Variants in AKT3 observed in about 807,000 individuals in gnomAD.
AKT3 encodes the protein AKT serine/threonine kinase 3.
In AKT3, 15 loss-of-function variants were observed where a neutral mutation model predicts 65.3. The ratio of observed to expected loss-of-function variants is 0.23; its 90% CI spans 0.15 to 0.35. AKT3 has a LOEUF of 0.35. Among genes scored for constraint, AKT3 ranks in the 10% least tolerant of loss-of-function variants. The pLI is 1.00. For missense variants in AKT3, 243 were observed against 576.5 expected (o/e 0.42, Z 5.92); for synonymous variants, 206 against 183.8 (o/e 1.12, Z -0.98).
intron 2 of AKT3, among the ~76,000 whole-genome samples, chr1:243,801,298 G>T (rs1370883129): frequency 6.6e-6 from 1 of 151,992 alleles, no homozygotes; most frequent in Admixed American, 6.6e-5. Flanking sequence ...TTGTAACAAA[G>T]AATGAAATCC....
chr1:243,639,803 C>A (rs1484554530), intron 5 of AKT3, among the ~76,000 whole-genome samples: 1 of 152,088 alleles, frequency 6.6e-6, no homozygotes, highest in South Asian at 2.1e-4. Flanking sequence ...GAGTAGCCAC[C>A]CTTTCATTCT....
At chr1:243,509,773 C>T (rs980708369) in intron 13 of AKT3, among the ~76,000 whole-genome samples, 12 of 152,112 alleles carry the variant, frequency 7.9e-5, no homozygotes, top group African/African-American at 2.4e-5. Flanking sequence ...TGGCAGAACT[C>T]TCGGTGCCTC....
intron 13 of AKT3, among the ~76,000 whole-genome samples, chr1:243,488,716 A>C (rs776829964): frequency 1.3e-5 from 2 of 151,796 alleles, no homozygotes; most frequent in Non-Finnish European, 2.9e-5. Context: ...CTCATCTTTG[A>C]CCTCTGCTTG....
At chr1:243,600,855 A>G (rs1676953702) in intron 8 of AKT3, among the ~76,000 whole-genome samples, 1 of 152,128 alleles carries the variant, frequency 6.6e-6, no homozygotes, top group African/African-American at 2.4e-5. Context: ...ATAATCAATG[A>G]ATTGTGTTTC....
intron 12 of AKT3, among the ~76,000 whole-genome samples, chr1:243,532,243 G>A (rs1418009642): frequency 6.6e-6 from 1 of 152,084 alleles, no homozygotes; most frequent in Non-Finnish European, 1.5e-5. Context: ...TGAGCTGAGG[G>A]TTTTCCAAAC....
At position 243,552,288 on chromosome 1, in the gene AKT3, C is replaced by CAAAAAAAAAAA. The variant is rs33995513; in HGVS notation, c.1163+430_1163+440dup. ...TGGGTGGCAGAGTGAGACTCTGTCT[C>CAAAAAAAAAAA]AAAAAAAAAAAAAAAAAAAAAAAAA... On this transcript the variant is annotated intron_variant, in intron 11 of 13. Transcript: ENST00000673466. Among the ~76,000 whole-genome samples, 59 of 50,166 alleles carry CAAAAAAAAAAA rather than the reference C, an allele frequency of 1.2e-3. 11 individuals carry two copies. Among genetic ancestry groups the CAAAAAAAAAAA allele is most frequent in the African/African-American group, 5.1e-3 (51 of 9,966 alleles). 32.9% of individuals were successfully genotyped at this position (50,166 alleles called of 152,430 possible).
At chr1:243,657,480 C>T (rs1449327812) in intron 4 of AKT3, among the ~76,000 whole-genome samples, 3 of 152,020 alleles carry the variant, frequency 2.0e-5, no homozygotes, top group Non-Finnish European at 4.4e-5. Flanking sequence ...CAAAACATTG[C>T]TGAAAGAAAT....
rs933511599 is a variant in AKT3 at position 243,501,450 on chromosome 1, G to A, written c.*3799C>T. 4.3e-6 allele frequency: 1 copy of A among 233,004 alleles called. No homozygotes were observed. The highest frequency in any genetic ancestry group is 8.5e-6 in the Non-Finnish European group (1 of 118,008). 14.4% of individuals were successfully genotyped at this position (233,004 alleles called of 1,614,324 possible). A position where few individuals can be genotyped will look rare whatever the true frequency, so the allele number is the denominator to read the frequency against. On this transcript the variant is annotated 3_prime_UTR_variant, in exon 14 of 14. Transcript: ENST00000673466. ...ATGATTCGGGTCTGAATGTCCCCAG[G>A]GTCTGAGACCTCCTTCATCCCTGGC...
At chr1:243,590,632 TAAAAC>T (rs1198311791) in intron 8 of AKT3, among the ~76,000 whole-genome samples, 1 of 151,648 alleles carries the variant, frequency 6.6e-6, no homozygotes, top group African/African-American at 2.4e-5. Context: ...ACTGTAGAGA[TAAAAC>T]AAACAACATC....
chr1:243,835,157 C>G (rs1315297240), intron 2 of AKT3, among the ~76,000 whole-genome samples: 2 of 152,266 alleles, frequency 1.3e-5, no homozygotes, highest in East Asian at 3.9e-4. Context: ...GGATACTATT[C>G]CGTCCATTAT....
At chr1:243,796,643 G>C (rs1397495741) in intron 2 of AKT3, among the ~76,000 whole-genome samples, 2 of 152,076 alleles carry the variant, frequency 1.3e-5, no homozygotes. Context: ...CCACCAACCA[G>C]TTTATTGCTA....
At chr1:243,642,518 C>T (rs566515082) in intron 5 of AKT3, among the ~76,000 whole-genome samples, 2 of 151,924 alleles carry the variant, frequency 1.3e-5, no homozygotes, top group Admixed American at 1.3e-4. Context: ...ACCGTGTTAG[C>T]CAGGATGGTC....
chr1:243,661,317 G>A (rs1194975074), intron 4 of AKT3, among the ~76,000 whole-genome samples: 1 of 152,168 alleles, frequency 6.6e-6, no homozygotes. Context: ...ACACTACAAG[G>A]CTACAGTAAC....
In AKT3 at chr1:243,647,047, C is replaced by A. The variant is rs577614499; in HGVS notation, c.285-1010G>T. Among the ~76,000 whole-genome samples, 208 of 152,190 alleles carry A rather than the reference C, an allele frequency of 1.4e-3. 1 individual carries two copies. The highest frequency in any genetic ancestry group is 4.7e-3 in the African/African-American group (197 of 41,538). ...TATAGATGAATTTTGGGAAAACTAC[C>A]ATCGTAATCATTTAAATCTTCCAAT... On this transcript the variant is annotated intron_variant, in intron 4 of 13. Coordinates refer to ENST00000673466, the MANE Select transcript of AKT3 (RefSeq NM_005465.7).
intron 2 of AKT3, among the ~76,000 whole-genome samples, chr1:243,816,474 C>G (rs1693528994): frequency 6.6e-6 from 1 of 152,146 alleles, no homozygotes; most frequent in Non-Finnish European, 1.5e-5. Flanking sequence ...GTTTCTGACA[C>G]TACCTTTAGT....
intron 2 of AKT3, among the ~76,000 whole-genome samples, chr1:243,764,046 C>A (rs1689657996): frequency 6.6e-6 from 1 of 152,030 alleles, no homozygotes; most frequent in Non-Finnish European, 1.5e-5. Flanking sequence ...GCCGATATTT[C>A]TGAATGACAG....
At chr1:243,549,916 T>C (rs1672929034) in intron 11 of AKT3, among the ~76,000 whole-genome samples, 1 of 152,198 alleles carries the variant, frequency 6.6e-6, no homozygotes, top group African/African-American at 2.4e-5. Context: ...AAGATCCTTA[T>C]AATCTAATAT....
chr1:243,492,441 A>C (rs1666718057), intron 13 of AKT3, among the ~76,000 whole-genome samples: 1 of 150,608 alleles, frequency 6.6e-6, no homozygotes, highest in African/African-American at 2.4e-5. Flanking sequence ...AGCTGGGATT[A>C]CAGGCACCCA....
intron 8 of AKT3, among the ~76,000 whole-genome samples, chr1:243,591,109 C>A (rs1676195305): frequency 6.6e-6 from 1 of 151,468 alleles, no homozygotes; most frequent in Non-Finnish European, 1.5e-5. Flanking sequence ...AGACAGAAGA[C>A]AGTACCAAAG....
Sources: allele counts gnomAD v4.1 joint callset (sites outside exome capture counted in the v4.1 genomes callset), GRCh38; gene constraint gnomAD v4.1.1; transcripts MANE v1.5; gene names NCBI Gene and HGNC (gene_info 2026-07-23, HGNC 2026-07-21).